The following SDHC variants were observed in gnomAD, a reference collection of about 807,000 sequenced individuals.
SDHC encodes the protein succinate dehydrogenase cytochrome b560 subunit, mitochondrial.
SDHC carries 11 observed loss-of-function variants against 22.6 expected under a neutral mutation model. The observed-to-expected ratio is 0.49, with a 90% CI of 0.31 to 0.81. SDHC has a LOEUF of 0.81. Ranked by LOEUF, SDHC falls within the 30% of genes least tolerant of loss-of-function variation. The pLI, the probability that SDHC is intolerant of heterozygous loss-of-function variation, is 0.05. For synonymous variants in SDHC, 80 were observed against 77.8 expected (o/e 1.03, Z -0.15); for missense variants, 160 against 212.0 (o/e 0.75, Z 1.52).
chr1:161,337,138 C>T (rs891136108), intron 3 of SDHC, among the ~76,000 whole-genome samples: 15 of 151,908 alleles, frequency 9.9e-5, no homozygotes, highest in African/African-American at 3.4e-4. Flanking sequence ...ACCTCAGCCC[C>T]CTAAAGTGCT....
Position 161,314,577 on chromosome 1 carries a change from C to T in SDHC, c.20+152C>T, listed in dbSNP as rs1408988371. 4.6e-6 allele frequency: 4 copies of T among 878,416 alleles called. No individual in the cohort carries two copies. The African/African-American group carries it at 6.7e-5, about 15-fold the overall frequency. The allele number at this position is 878,416 out of a possible 1,614,324, so 54.4% of individuals were successfully genotyped here. On this transcript the variant is annotated intron_variant, in intron 1 of 5. Coordinates refer to ENST00000367975, the MANE Select transcript of SDHC (RefSeq NM_003001.5). ...AAGCGCTCGGGGATCCTAGAGACCCCTTTTCCCGTCCCCCCCAGCCGCTCC... is the reference window on the plus strand; with the variant it reads ...AAGCGCTCGGGGATCCTAGAGACCCTTTTTCCCGTCCCCCCCAGCCGCTCC...
chr1:161,335,300 G>A (rs938722970), intron 3 of SDHC, among the ~76,000 whole-genome samples: 2 of 152,104 alleles, frequency 1.3e-5, no homozygotes, highest in Non-Finnish European at 2.9e-5. Context: ...TTTCTCTACT[G>A]TAAAGTTACT....
At chr1:161,317,261 C>T (rs1571833646) in intron 1 of SDHC, among the ~76,000 whole-genome samples, 1 of 151,874 alleles carries the variant, frequency 6.6e-6, no homozygotes, top group Admixed American at 6.6e-5. Flanking sequence ...AATTCCTGAC[C>T]TCATGATCCA....
At chr1:161,360,476 A>T (rs1350157887) in intron 5 of SDHC, among the ~76,000 whole-genome samples, 1 of 151,706 alleles carries the variant, frequency 6.6e-6, no homozygotes, top group Non-Finnish European at 1.5e-5. Flanking sequence ...GGATTGCTTG[A>T]ACCTGGGAGG....
chr1:161,318,517 T>C (rs1185481938), intron 1 of SDHC, among the ~76,000 whole-genome samples: 1 of 152,172 alleles, frequency 6.6e-6, no homozygotes, highest in Admixed American at 6.5e-5. Flanking sequence ...TTCTATGTAA[T>C]AATGTTCATG....
At chr1:161,314,451 G>A (rs2102272074) in intron 1 of SDHC, 26 bp downstream of exon 1, 1 of 1,613,750 alleles carries the variant, frequency 6.2e-7, no homozygotes, top group Non-Finnish European at 8.5e-7. Context: ...CTGGGAGTTG[G>A]TGCCTGCGGC....
At chr1:161,331,836 C>A (rs551696527) in intron 3 of SDHC, among the ~76,000 whole-genome samples, 2 of 152,094 alleles carry the variant, frequency 1.3e-5, no homozygotes, top group South Asian at 4.1e-4. Flanking sequence ...ACCTCGTGAT[C>A]TGCCCGCCCT....
intron 5 of SDHC, among the ~76,000 whole-genome samples, chr1:161,361,420 G>A (rs16832854): frequency 0.12 from 17,799 of 151,990 alleles, 1,419 homozygotes; most frequent in African/African-American, 0.22. Flanking sequence ...AGATCTCAGA[G>A]TATCCTTTAG....
intron 3 of SDHC, among the ~76,000 whole-genome samples, chr1:161,339,899 C>T (rs1458612790): frequency 6.6e-6 from 1 of 151,668 alleles, no homozygotes; most frequent in Non-Finnish European, 1.5e-5. Flanking sequence ...AGGCTGATTG[C>T]GAACTCCTGA....
At chr1:161,343,658 G>C (rs1671795364) in intron 4 of SDHC, among the ~76,000 whole-genome samples, 1 of 152,006 alleles carries the variant, frequency 6.6e-6, no homozygotes, top group Admixed American at 6.6e-5. Flanking sequence ...TGCTTCCTTA[G>C]AATAAGAAAT....
At chr1:161,349,796 ACT>A (rs1672040180) in intron 4 of SDHC, among the ~76,000 whole-genome samples, 1 of 152,180 alleles carries the variant, frequency 6.6e-6, no homozygotes, top group Admixed American at 6.5e-5. Flanking sequence ...TTCAATTCTA[ACT>A]CTGTCACTAA....
rs587778661 is a variant in SDHC at position 161,328,466 on chromosome 1, C to T, written c.148C>T (p.Arg50Cys). Reference protein sequence around the residue: ...RFWNKNIGSNRPLSPHITIYS... With the variant: ...RFWNKNIGSNCPLSPHITIYS... Reference sequence around the variant, plus strand: ...CTGGAATAAGAATATAGGTTCAAACCGTCCTCTGTCTCCCCACATTACTAT... The same window carrying T: ...CTGGAATAAGAATATAGGTTCAAACTGTCCTCTGTCTCCCCACATTACTAT... The change falls in exon 3 of 6, where the codon CGT (arginine) becomes TGT (cysteine). Residue 50 changes from arginine (R) to cysteine (C), a missense_variant. By Grantham distance (180) the Arg-to-Cys change is radical. Transcript: ENST00000367975. The T allele has an allele frequency of 2.8e-5, 45 of 1,612,542 alleles. No homozygotes were observed. Among genetic ancestry groups the T allele is most frequent in the Non-Finnish European group, 3.8e-5 (45 of 1,178,694 alleles).
chr1:161,325,874 A>G (rs1671028644), intron 2 of SDHC, among the ~76,000 whole-genome samples: 1 of 152,170 alleles, frequency 6.6e-6, no homozygotes, highest in Non-Finnish European at 1.5e-5. Flanking sequence ...TTGTGCTTTC[A>G]TTGCCAGACC....
intron 3 of SDHC, among the ~76,000 whole-genome samples, chr1:161,332,550 C>T (rs1671318600): frequency 6.6e-6 from 1 of 152,104 alleles, no homozygotes; most frequent in African/African-American, 2.4e-5. Context: ...ACGGTTCACA[C>T]ATTGAAAGCA....
chr1:161,355,071 G>T (rs1672224775), intron 4 of SDHC, among the ~76,000 whole-genome samples: 1 of 152,062 alleles, frequency 6.6e-6, no homozygotes, highest in Non-Finnish European at 1.5e-5. Flanking sequence ...TCAGTCATTG[G>T]TGGTCGATAG....
chr1:161,326,507 A>G (rs1485881958), intron 2 of SDHC: 9 of 147,926 alleles, frequency 6.1e-5, no homozygotes, highest in African/African-American at 2.2e-4. Context: ...GTGGGGGAAC[A>G]TGCTGTCTTT....
intron 1 of SDHC, among the ~76,000 whole-genome samples, chr1:161,318,007 A>G (rs1191277079): frequency 6.6e-6 from 1 of 151,900 alleles, no homozygotes; most frequent in East Asian, 2.0e-4. Context: ...CCCCATCTCT[A>G]CTAAAAATAC....
intron 1 of SDHC, among the ~76,000 whole-genome samples, chr1:161,321,981 G>A (rs911839746): frequency 8.5e-5 from 13 of 152,144 alleles, no homozygotes; most frequent in Non-Finnish European, 1.8e-4. Context: ...TGACTGAAGG[G>A]TATAATGGTC....
At chr1:161,334,100 C>G (rs761126348) in intron 3 of SDHC, among the ~76,000 whole-genome samples, 6 of 152,192 alleles carry the variant, frequency 3.9e-5, no homozygotes, top group Non-Finnish European at 7.3e-5. Flanking sequence ...GGGCTAAAAT[C>G]AAGGTGTTGG....
Sources: gnomAD v4.1 joint callset for allele counts (sites outside exome capture counted in the v4.1 genomes callset) on GRCh38, gnomAD v4.1.1 for gene constraint, MANE v1.5 for transcripts, NCBI Gene and HGNC (gene_info 2026-07-23, HGNC 2026-07-21) for gene names.